The following SPATA6 variants were observed in gnomAD, a reference collection of about 807,000 sequenced individuals.
The protein encoded by SPATA6 is spermatogenesis associated 6, also known as spermatogenesis-associated protein 6.
In SPATA6, 56 loss-of-function variants were observed where a neutral mutation model predicts 65.3. The observed-to-expected ratio is 0.86, with a 90% CI of 0.69 to 1.07. The LOEUF is 1.07. Among genes scored for constraint, SPATA6 ranks in the 50% least tolerant of loss-of-function variants. SPATA6 has a pLI of 0.00. For synonymous variants in SPATA6, 199 were observed against 213.2 expected (o/e 0.93, Z 0.58); for missense variants, 590 against 594.8 (o/e 0.99, Z 0.08).
intron 3 of SPATA6, among the ~76,000 whole-genome samples, chr1:48,440,020 C>T (rs1338934439): frequency 6.6e-6 from 1 of 152,132 alleles, no homozygotes; most frequent in Admixed American, 6.5e-5. Context: ...GCAAAGCTTG[C>T]AATTTACATC....
At chr1:48,327,248 C>T (rs938793665) in intron 11 of SPATA6, among the ~76,000 whole-genome samples, 15 of 152,090 alleles carry the variant, frequency 9.9e-5, no homozygotes, top group Admixed American at 3.3e-4. Context: ...CAAAAAAATG[C>T]TCAACATCAC....
rs764006535 is a variant in SPATA6 at position 48,355,716 on chromosome 1, A to AC, written c.1147dup (p.Val383GlyfsTer17). 1 of 1,613,284 alleles carries AC rather than the reference A, an allele frequency of 6.2e-7. No homozygotes were observed. Among genetic ancestry groups the AC allele is most frequent in the Non-Finnish European group, 8.5e-7 (1 of 1,179,464 alleles). On this transcript the variant is annotated frameshift_variant, in exon 11 of 13. Transcript: ENST00000371847. LOFTEE classifies it high-confidence loss of function. ...CTGATGTGATTTCAAGACATTTTTT[A>AC]CCCGGTCATGGATCTCATCGCAGTT...
At chr1:48,289,450 A>G in the SPATA6 span, among the ~76,000 whole-genome samples, 1 of 152,210 alleles carries the variant, frequency 6.6e-6, no homozygotes, top group Non-Finnish European at 1.5e-5. Context: ...TTCTCCTCCA[A>G]AGGAATGCAG....
At chr1:48,458,994 C>T (rs1427102964) in intron 1 of SPATA6, among the ~76,000 whole-genome samples, 1 of 151,676 alleles carries the variant, frequency 6.6e-6, no homozygotes, top group Admixed American at 6.6e-5. Context: ...TCATGAGGTC[C>T]GGAGTTTGAG....
Position 48,316,860 on chromosome 1 carries a change from T to TGG in SPATA6, c.1195-10983_1195-10982insCC, listed in dbSNP as rs1645441789. 3.3e-5 allele frequency among the ~76,000 whole-genome samples: 5 copies of TGG among 152,244 alleles called. No homozygotes were observed. In the South Asian group the frequency reaches 1.0e-3, roughly 32 times the overall value. ...AGAAAAAAACAACCCCATCAAAAAGTGTGCAAAGGATATGAACAGACACTT... is the reference window on the plus strand; with the variant it reads ...AGAAAAAAACAACCCCATCAAAAAGTGGGTGCAAAGGATATGAACAGACACTT... On this transcript the variant is annotated intron_variant, in intron 11 of 12. Coordinates refer to ENST00000371847, the MANE Select transcript of SPATA6 (RefSeq NM_019073.4).
intron 6 of SPATA6, among the ~76,000 whole-genome samples, chr1:48,400,437 G>A (rs1651057219): frequency 6.6e-6 from 1 of 151,692 alleles, no homozygotes; most frequent in Admixed American, 6.6e-5. Context: ...CCTTATAAAG[G>A]CCTTAATAGT....
the SPATA6 span, among the ~76,000 whole-genome samples, chr1:48,289,926 T>C: frequency 2.6e-4 from 40 of 152,216 alleles, no homozygotes; most frequent in Non-Finnish European, 4.1e-4. Context: ...GAAAACACTC[T>C]GCAGGATATT....
At chr1:48,325,488 T>C (rs1358306949) in intron 11 of SPATA6, 1 of 1,210,286 alleles carries the variant, frequency 8.3e-7, no homozygotes, top group Non-Finnish European at 1.2e-6. Flanking sequence ...ATCCACATTC[T>C]CTGAGTTGAT....
chr1:48,471,074 G>C (rs1018897277), intron 1 of SPATA6, among the ~76,000 whole-genome samples: 3 of 152,108 alleles, frequency 2.0e-5, no homozygotes, highest in African/African-American at 7.2e-5. Flanking sequence ...AGAATGCAGG[G>C]GAAGAAGTTC....
chr1:48,453,299 A>G (rs536998900), intron 1 of SPATA6, among the ~76,000 whole-genome samples, 168 bp from the exon 2 acceptor site: 1 of 152,330 alleles, frequency 6.6e-6, no homozygotes, highest in African/African-American at 2.4e-5. Context: ...GAGTTAAATG[A>G]AATGCTTTTA....
downstream of SPATA6, among the ~76,000 whole-genome samples, chr1:48,293,118 CT>C (rs1209070874): frequency 6.6e-6 from 1 of 152,178 alleles, no homozygotes; most frequent in Non-Finnish European, 1.5e-5. Flanking sequence ...GCCCTCTGTC[CT>C]TCTTTATTCC....
At chr1:48,388,363 C>T (rs1332675147) in intron 8 of SPATA6, among the ~76,000 whole-genome samples, 3 of 151,968 alleles carry the variant, frequency 2.0e-5, no homozygotes, top group African/African-American at 2.4e-5. Flanking sequence ...AAAGCAAATT[C>T]AAAAAATTGG....
At chr1:48,267,955 G>T in the SPATA6 span, among the ~76,000 whole-genome samples, 11 of 151,850 alleles carry the variant, frequency 7.2e-5, no homozygotes, top group East Asian at 1.4e-3. Context: ...GTTTCACCGT[G>T]TTAGCCAGGA....
chr1:48,431,455 C>G (rs1654396218), intron 3 of SPATA6, among the ~76,000 whole-genome samples: 1 of 152,080 alleles, frequency 6.6e-6, no homozygotes, highest in Non-Finnish European at 1.5e-5. Context: ...ACTCTACCCA[C>G]CCACAACAAC....
chr1:48,418,096 T>A (rs143409353), intron 3 of SPATA6, among the ~76,000 whole-genome samples: 1 of 152,310 alleles, frequency 6.6e-6, no homozygotes, highest in African/African-American at 2.4e-5. Flanking sequence ...CTTTTAGTAA[T>A]TGTGTCTGTA....
intron 9 of SPATA6, among the ~76,000 whole-genome samples, chr1:48,372,355 C>T (rs2148863003): frequency 6.6e-6 from 1 of 152,276 alleles, no homozygotes; most frequent in Admixed American, 6.5e-5. Context: ...TCCAGTGGAG[C>T]AGTCAAAGCT....
intron 7 of SPATA6, among the ~76,000 whole-genome samples, chr1:48,395,587 A>G (rs1650513707): frequency 6.6e-6 from 1 of 151,976 alleles, no homozygotes; most frequent in South Asian, 2.1e-4. Flanking sequence ...ATATGTGCCT[A>G]CTTTAAAATG....
At chr1:48,317,464 G>A (rs1645468891) in intron 11 of SPATA6, among the ~76,000 whole-genome samples, 1 of 152,014 alleles carries the variant, frequency 6.6e-6, no homozygotes, top group African/African-American at 2.4e-5. Flanking sequence ...ACTCACAGGT[G>A]GGAACTGAAC....
Position 48,397,180 on chromosome 1 carries a change from T to C in SPATA6, c.781-1826A>G, listed in dbSNP as rs550315885. 3.3e-5 allele frequency among the ~76,000 whole-genome samples: 5 copies of C among 151,764 alleles called. No homozygotes were observed. The South Asian group carries it at 1.0e-3, about 32-fold the overall frequency. On this transcript the variant is annotated intron_variant, in intron 7 of 12. Transcript: ENST00000371847. The stretch of plus-strand genomic sequence containing the variant: ...CAAATTCATAGAGACAGAAAGCAGA[T>C]TAGTGATTGCCAAGACTATGGGAAG...
Sources: allele counts gnomAD v4.1 joint callset (sites outside exome capture counted in the v4.1 genomes callset), GRCh38; gene constraint gnomAD v4.1.1; transcripts MANE v1.5; gene names NCBI Gene and HGNC (gene_info 2026-07-23, HGNC 2026-07-21).